The following PLXDC1 variants were observed in gnomAD, a reference collection of about 807,000 sequenced individuals.
PLXDC1 encodes the protein plexin domain containing 1, also known as plexin domain-containing protein 1.
In PLXDC1, 39 loss-of-function variants were observed where a neutral mutation model predicts 61.3. The observed-to-expected ratio is 0.64, with a 90% CI of 0.49 to 0.83. The LOEUF (loss-of-function observed/expected upper bound fraction) is 0.83, where lower values mean the gene tolerates loss of function less well. Among genes scored for constraint, PLXDC1 ranks in the 40% least tolerant of loss-of-function variants. The pLI is 0.00. For missense variants in PLXDC1, 596 were observed against 666.5 expected, an observed-to-expected ratio of 0.89 and a Z score of 1.17; for synonymous variants, 212 against 254.5, an observed-to-expected ratio of 0.83 and a Z score of 1.59.
intron 2 of PLXDC1, among the ~76,000 whole-genome samples, chr17:39,121,992 G>A (rs1044840817): frequency 6.6e-6 from 1 of 151,120 alleles, no homozygotes; most frequent in East Asian, 2.0e-4. Context: ...AGCTGCTCGG[G>A]AGGTTGACAC....
At chr17:39,135,880 G>A (rs937732468) in intron 2 of PLXDC1, among the ~76,000 whole-genome samples, 5 of 152,152 alleles carry the variant, frequency 3.3e-5, no homozygotes, top group Non-Finnish European at 7.3e-5. Context: ...AAGCTCTGGC[G>A]TTATTGAATC....
chr17:39,078,092 T>C (rs1909412821), intron 10 of PLXDC1, 44 bp from the exon 11 acceptor site: 1 of 1,503,500 alleles, frequency 6.7e-7, no homozygotes, highest in Non-Finnish European at 8.9e-7. Context: ...CATTTACACC[T>C]TTCCCTTCAT....
At chr17:39,147,610 G>C (rs2045350424) in intron 1 of PLXDC1, among the ~76,000 whole-genome samples, 1 of 151,996 alleles carries the variant, frequency 6.6e-6, no homozygotes, top group Non-Finnish European at 1.5e-5. Context: ...CCTGGGGAGA[G>C]GGAAGGAGTC....
chr17:39,120,912 C>T (rs1911143912), intron 2 of PLXDC1, among the ~76,000 whole-genome samples: 3 of 152,076 alleles, frequency 2.0e-5, no homozygotes, highest in South Asian at 2.1e-4. Context: ...CATGCGCCAT[C>T]ACGCGCAGCT....
intron 1 of PLXDC1, among the ~76,000 whole-genome samples, chr17:39,141,829 G>GT (rs1019372010): frequency 5.9e-5 from 9 of 151,914 alleles, no homozygotes; most frequent in South Asian, 4.2e-4. Context: ...GTTATTTTCT[G>GT]TTTTTTTTAT....
chr17:39,115,714 G>A (rs1312976409), intron 2 of PLXDC1, among the ~76,000 whole-genome samples: 1 of 152,214 alleles, frequency 6.6e-6, no homozygotes, highest in Non-Finnish European at 1.5e-5. Context: ...TTTGCTGAGT[G>A]GTGATGGGAG....
chr17:39,109,036 A>G (rs1910700399), intron 3 of PLXDC1, 63 bp from the exon 4 acceptor site: 3 of 1,369,754 alleles, frequency 2.2e-6, no homozygotes, highest in Non-Finnish European at 3.1e-6. Context: ...GGGCACCCAC[A>G]CTGCCTCATG....
In PLXDC1 at chr17:39,105,864, C is replaced by T. The variant is rs17705646; in HGVS notation, c.801G>A (p.Pro267=). The part of the protein sequence containing the change: ...SDAFMILNPS[P]DVPESRRRSI... ...TCCCTGAAGACTCACCTGGCACATCCGGGGATGGATTGAGAATCATGAAGG... is the reference window on the plus strand; with the variant it reads ...TCCCTGAAGACTCACCTGGCACATCTGGGGATGGATTGAGAATCATGAAGG... Residue 267 remains proline, a synonymous_variant, in exon 7 of 14, where the codon CCG becomes CCA. Coordinates refer to ENST00000315392, the MANE Select transcript of PLXDC1 (RefSeq NM_020405.5). 0.04 allele frequency: 64,326 copies of T among 1,611,440 alleles called. 1,500 individuals are homozygous for T. The highest frequency in any genetic ancestry group is 0.046 in the Non-Finnish European group (54,214 of 1,177,732).
chr17:39,091,083 C>G (rs1179253210), intron 7 of PLXDC1, among the ~76,000 whole-genome samples: 1 of 152,222 alleles, frequency 6.6e-6, no homozygotes, highest in Non-Finnish European at 1.5e-5. Context: ...TCCAGGCTGC[C>G]TGCTTCTCCT....
At chr17:39,130,474 A>G (rs535452412) in intron 2 of PLXDC1, among the ~76,000 whole-genome samples, 1 of 152,222 alleles carries the variant, frequency 6.6e-6, no homozygotes, top group African/African-American at 2.4e-5. Flanking sequence ...CAAAACAGAA[A>G]AGGTTTTGGA....
At chr17:39,099,696 A>T (rs1262953042) in intron 7 of PLXDC1, among the ~76,000 whole-genome samples, 1 of 152,208 alleles carries the variant, frequency 6.6e-6, no homozygotes, top group Non-Finnish European at 1.5e-5. Context: ...GTGACCAAGG[A>T]TAAGTCACTC....
intron 7 of PLXDC1, among the ~76,000 whole-genome samples, chr17:39,096,119 T>TA (rs1284222656): frequency 2.0e-5 from 3 of 152,238 alleles, no homozygotes; most frequent in Middle Eastern, 3.4e-3. Context: ...GGTTACCGTA[T>TA]AAAAAAATCT....
chr17:39,096,851 T>C, intron 7 of PLXDC1: 1 of 455,426 alleles, frequency 2.2e-6, no homozygotes, highest in Admixed American at 2.4e-5. Context: ...CTTCCGGCGG[T>C]CTCCCCAGCC....
intron 2 of PLXDC1, among the ~76,000 whole-genome samples, chr17:39,121,367 T>C (rs1389620643): frequency 6.6e-6 from 1 of 152,222 alleles, no homozygotes; most frequent in Non-Finnish European, 1.5e-5. Context: ...GATCACTTAC[T>C]CAAGGCTTCT....
intron 9 of PLXDC1, among the ~76,000 whole-genome samples, chr17:39,082,100 C>G (rs1048297693): frequency 6.6e-6 from 1 of 152,224 alleles, no homozygotes; most frequent in Admixed American, 6.5e-5. Context: ...CCTGGGAGAC[C>G]TGATGGGCAC....
intron 7 of PLXDC1, among the ~76,000 whole-genome samples, chr17:39,101,995 G>C (rs75988179): frequency 0.014 from 2,200 of 152,260 alleles, 77 homozygotes; most frequent in African/African-American, 0.051. Flanking sequence ...GGAAGGTGGA[G>C]GAAGAAGAAG....
intron 8 of PLXDC1, among the ~76,000 whole-genome samples, 164 bp from the exon 9 acceptor site, chr17:39,083,704 C>A (rs759092423): frequency 1.3e-5 from 2 of 149,040 alleles, no homozygotes; most frequent in Non-Finnish European, 2.9e-5. Flanking sequence ...AGCCCCAATT[C>A]CTAACTTCTT....
At chr17:39,074,939 T>C (rs1172787550) in intron 11 of PLXDC1, among the ~76,000 whole-genome samples, 5 of 152,140 alleles carry the variant, frequency 3.3e-5, no homozygotes, top group African/African-American at 1.2e-4. Flanking sequence ...TGCTTCTTTT[T>C]CTTTTCCTTT....
chr17:39,071,681 G>A (rs1909123753), intron 12 of PLXDC1, among the ~76,000 whole-genome samples: 1 of 152,044 alleles, frequency 6.6e-6, no homozygotes, highest in South Asian at 2.1e-4. Context: ...CACAGCGAGG[G>A]GATTATGGCC....
Sources: gnomAD v4.1 joint callset for allele counts (sites outside exome capture counted in the v4.1 genomes callset) on GRCh38, gnomAD v4.1.1 for gene constraint, MANE v1.5 for transcripts, NCBI Gene and HGNC (gene_info 2026-07-23, HGNC 2026-07-21) for gene names.